The following ATP9A variants were observed in gnomAD, a reference collection of about 807,000 sequenced individuals.
ATP9A encodes the protein probable phospholipid-transporting ATPase IIA.
Under a neutral mutation model 144.1 loss-of-function variants are expected in ATP9A, and 52 were observed. The observed-to-expected ratio is 0.36, with a 90% CI of 0.29 to 0.45. The LOEUF is 0.45. Among genes scored for constraint, ATP9A ranks in the 20% least tolerant of loss-of-function variants. The pLI is 1.00. For missense variants in ATP9A, 947 were observed against 1,392.7 expected (o/e 0.68, Z 5.09); for synonymous variants, 582 against 557.4 (o/e 1.04, Z -0.62).
intron 9 of ATP9A, among the ~76,000 whole-genome samples, chr20:51,684,644 C>T (rs2122807191): frequency 6.9e-6 from 1 of 145,050 alleles, no homozygotes; most frequent in Admixed American, 7.1e-5. Flanking sequence ...TGCAGTGAGC[C>T]GAGATCGCAC....
At chr20:51,707,941 C>A (rs1457404317) in intron 4 of ATP9A, among the ~76,000 whole-genome samples, 6 of 151,994 alleles carry the variant, frequency 3.9e-5, no homozygotes, top group African/African-American at 1.5e-4. Flanking sequence ...TCATGGCTTA[C>A]TGCAGTGTTC....
chr20:51,741,113 T>C (rs1165270082), intron 1 of ATP9A, among the ~76,000 whole-genome samples: 1 of 151,880 alleles, frequency 6.6e-6, no homozygotes, highest in Non-Finnish European at 1.5e-5. Context: ...GAGTGCTCCA[T>C]AGCTACATGT....
In ATP9A at chr20:51,619,582, G is replaced by T. The variant is rs959448935; in HGVS notation, c.2116-539C>A. On this transcript the variant is annotated intron_variant, in intron 19 of 27. Coordinates refer to ENST00000338821, the MANE Select transcript of ATP9A (RefSeq NM_006045.3). The stretch of plus-strand genomic sequence containing the variant: ...CGTCTTTTAAAAAAAAAAAAGGGGG[G>T]GGGGGGCCAGGTACGGTGGCTCACA... 2.7e-5 allele frequency among the ~76,000 whole-genome samples: 4 copies of T among 147,948 alleles called. No individual in the cohort carries two copies. In the East Asian group the frequency reaches 8.1e-4, roughly 30 times the overall value.
At chr20:51,641,157 G>A (rs112186863) in intron 14 of ATP9A, among the ~76,000 whole-genome samples, 8,224 of 152,098 alleles carry the variant, frequency 0.054, 247 homozygotes, top group African/African-American at 0.078. Flanking sequence ...TCAGGAGTTC[G>A]AGACTAGCCT....
intron 3 of ATP9A, among the ~76,000 whole-genome samples, chr20:51,713,909 T>G (rs1212909493): frequency 6.6e-6 from 1 of 152,130 alleles, no homozygotes; most frequent in African/African-American, 2.4e-5. Flanking sequence ...ATGTCTTCAG[T>G]TTTTTGTTTT....
chr20:51,679,057 C>G (rs1226300146), intron 9 of ATP9A, among the ~76,000 whole-genome samples: 2 of 152,192 alleles, frequency 1.3e-5, no homozygotes, highest in Non-Finnish European at 2.9e-5. Flanking sequence ...GGCACGGTGG[C>G]TCATGCCTGT....
intron 14 of ATP9A, among the ~76,000 whole-genome samples, chr20:51,644,279 T>C (rs1043553255): frequency 4.1e-5 from 6 of 144,652 alleles, no homozygotes; most frequent in Admixed American, 4.1e-4. Flanking sequence ...TTTTTTTTTT[T>C]TTTTTTTTTT....
intron 1 of ATP9A, among the ~76,000 whole-genome samples, chr20:51,755,656 A>G (rs2077852615): frequency 6.6e-6 from 1 of 151,982 alleles, no homozygotes; most frequent in African/African-American, 2.4e-5. Flanking sequence ...TACATACTGA[A>G]TGATGTGTTC....
chr20:51,672,198 C>T (rs2077459134), intron 11 of ATP9A, among the ~76,000 whole-genome samples: 1 of 152,142 alleles, frequency 6.6e-6, no homozygotes, highest in African/African-American at 2.4e-5. Flanking sequence ...CTTAGCATAA[C>T]GTTCTCAAGG....
chr20:51,680,742 C>T (rs985415172), intron 9 of ATP9A, among the ~76,000 whole-genome samples: 2 of 152,046 alleles, frequency 1.3e-5, no homozygotes, highest in Admixed American at 6.6e-5. Context: ...CTGTTCCTGG[C>T]GTTGAGAACT....
chr20:51,614,735 C>T (rs1364715373), intron 22 of ATP9A, among the ~76,000 whole-genome samples: 3 of 152,092 alleles, frequency 2.0e-5, no homozygotes, highest in Admixed American at 6.5e-5. Flanking sequence ...GAATTGGAAC[C>T]GAATCAATCT....
At chr20:51,686,220 G>T (rs1299319617) in intron 9 of ATP9A, among the ~76,000 whole-genome samples, 1 of 151,810 alleles carries the variant, frequency 6.6e-6, no homozygotes, top group Non-Finnish European at 1.5e-5. Context: ...CTGTCGTGGC[G>T]TGGGGGAGTG....
At chr20:51,641,486 C>G (rs1045538550) in intron 14 of ATP9A, among the ~76,000 whole-genome samples, 1 of 151,756 alleles carries the variant, frequency 6.6e-6, no homozygotes, top group Non-Finnish European at 1.5e-5. Context: ...CCACACTACT[C>G]CCACCTGGAC....
chr20:51,712,876 C>T, intron 4 of ATP9A, 90 bp downstream of exon 4: 1 of 1,170,782 alleles, frequency 8.5e-7, no homozygotes, highest in Non-Finnish European at 1.2e-6. Flanking sequence ...ATTCCCACAC[C>T]TGCGGCCCGG....
rs771302870 is a variant in ATP9A at position 51,697,389 on chromosome 20, T to A, written c.495+35A>T. Reference sequence around the variant, plus strand: ...AAATGACACATTAGGACCCATGAAGTGGTATCCACACACAAGCTTCCAGAT... The same window carrying A: ...AAATGACACATTAGGACCCATGAAGAGGTATCCACACACAAGCTTCCAGAT... On this transcript the variant is annotated intron_variant, in intron 5 of 27. Transcript: ENST00000338821. The A allele has an allele frequency of 1.4e-5, 22 of 1,599,312 alleles. No homozygotes were observed. In the East Asian group the frequency reaches 2.7e-4, roughly 19 times the overall value.
At chr20:51,712,924 G>T in intron 4 of ATP9A, 42 bp downstream of exon 4, 1 of 1,536,284 alleles carries the variant, frequency 6.5e-7, no homozygotes, top group Non-Finnish European at 8.9e-7. Flanking sequence ...AGCGGCCCGT[G>T]ATTGAGCTGC....
intron 19 of ATP9A, 93 bp from the exon 20 acceptor site, chr20:51,619,136 G>C (rs906290525): frequency 2.7e-6 from 3 of 1,091,558 alleles, no homozygotes; most frequent in African/African-American, 1.6e-5. Flanking sequence ...TGAAGACAAC[G>C]GCCACCCCAG....
chr20:51,673,609 C>A (rs2077465200), intron 11 of ATP9A, among the ~76,000 whole-genome samples: 1 of 152,084 alleles, frequency 6.6e-6, no homozygotes. Context: ...AATGGCATCC[C>A]TAGCATAGGG....
intron 13 of ATP9A, among the ~76,000 whole-genome samples, chr20:51,660,374 A>AT (rs1161502745): frequency 2.0e-5 from 3 of 152,222 alleles, no homozygotes; most frequent in Non-Finnish European, 2.9e-5. Context: ...GAGCCATGGG[A>AT]TTTTGTATTC....
Sources: allele counts gnomAD v4.1 joint callset (sites outside exome capture counted in the v4.1 genomes callset), GRCh38; gene constraint gnomAD v4.1.1; transcripts MANE v1.5; gene names NCBI Gene and HGNC (gene_info 2026-07-23, HGNC 2026-07-21).